HDGFL3: variants seen among roughly 807,000 people sequenced by gnomAD.
HDGFL3 encodes HDGF like 3, also known as hepatoma-derived growth factor-related protein 3.
In HDGFL3, 6 loss-of-function variants were observed where a neutral mutation model predicts 27.6. The ratio of observed to expected loss-of-function variants is 0.22; its 90% CI spans 0.12 to 0.43. HDGFL3 has a LOEUF of 0.43. HDGFL3 is among the 20% of genes least tolerant of loss of function. The pLI is 1.00. For synonymous variants in HDGFL3, 88 were observed against 88.9 expected (o/e 0.99, Z 0.05); for missense variants, 207 against 250.1 (o/e 0.83, Z 1.16).
intron 5 of HDGFL3, among the ~76,000 whole-genome samples, chr15:83,144,366 G>A (rs1039482432): frequency 6.6e-6 from 1 of 152,104 alleles, no homozygotes; most frequent in Non-Finnish European, 1.5e-5. Flanking sequence ...TGTAATCACC[G>A]CCCCTTTAGT....
rs901729108 is a variant in HDGFL3 at position 83,207,812 on chromosome 15, GA to G, written c.-399del. 1.3e-5 allele frequency: 2 copies of G among 150,762 alleles called. No homozygotes were observed. Among genetic ancestry groups the G allele is most frequent in the African/African-American group, 4.9e-5 (2 of 41,170 alleles). 9.3% of individuals were successfully genotyped at this position (150,762 alleles called of 1,614,324 possible). On this transcript the variant is annotated 5_prime_UTR_variant, in exon 1 of 6. Transcript: ENST00000299633. This position sits in a 1 kb window ranked among gnomAD's most constrained non-coding sequence, Gnocchi z 4.8. ...GAGCGCCGGGCCTCGCGTCTGCTCC[GA>G]ATTCCTTCTCGGGCAGCGACCGCAA...
At chr15:83,120,591 T>A (rs932609342) in intron 3 of HDGFL3, among the ~76,000 whole-genome samples, 15 of 149,786 alleles carry the variant, frequency 1.0e-4, no homozygotes, top group Non-Finnish European at 1.8e-4. Context: ...CTAATTCTTT[T>A]TTTTTTTTTT....
intron 1 of HDGFL3, among the ~76,000 whole-genome samples, chr15:83,186,227 A>G (rs921552255): frequency 6.6e-6 from 1 of 152,264 alleles, no homozygotes; most frequent in African/African-American, 2.4e-5. Context: ...ATTAAATTTT[A>G]GAGCAACTTG....
Position 83,151,238 on chromosome 15 carries a change from C to G in HDGFL3, c.583G>C (p.Asp195His). 6.2e-7 allele frequency: 1 copy of G among 1,612,848 alleles called. No individual in the cohort carries two copies. Among genetic ancestry groups the G allele is most frequent in the Non-Finnish European group, 8.5e-7 (1 of 1,179,792 alleles). ...ACCCCTTCACTGGTTTTCTGCAAGT[C>G]TGAAGTTGTGTTTCTTGTGTCGTTG... Reference protein sequence around the residue: ...AGNDTRNTTSDLQKTSEGT With the variant: ...AGNDTRNTTSHLQKTSEGT The change falls in exon 5 of 6, where the codon GAC (aspartate) becomes CAC (histidine). Residue 195 changes from aspartate (D) to histidine (H), a missense_variant. Coordinates refer to ENST00000299633, the MANE Select transcript of HDGFL3 (RefSeq NM_016073.4).
In HDGFL3 at chr15:83,127,825, T is replaced by C. The variant is rs1195988456; in HGVS notation, c.*11445A>G. ...TGGCTACTAAAAAAGGATTGAGAGC[T>C]GTCACCTTCAAAATGTCCATCCAAA... On this transcript the variant is annotated 3_prime_UTR_variant, in exon 6 of 6. Transcript: ENST00000299633. The C allele has an allele frequency of 3.8e-6, 1 of 266,238 alleles. No homozygotes were observed. The highest frequency in any genetic ancestry group is 7.2e-6 in the Non-Finnish European group (1 of 139,324). 16.5% of individuals were successfully genotyped at this position (266,238 alleles called of 1,614,324 possible).
chr15:83,193,291 T>C (rs1343055644), intron 1 of HDGFL3, among the ~76,000 whole-genome samples: 2 of 152,182 alleles, frequency 1.3e-5, no homozygotes, highest in African/African-American at 2.4e-5. Context: ...TAGACATTAT[T>C]CCAAAGAAGA....
intron 2 of HDGFL3, among the ~76,000 whole-genome samples, chr15:83,161,686 C>T (rs1002788197): frequency 1.4e-4 from 22 of 152,122 alleles, no homozygotes; most frequent in Non-Finnish European, 2.6e-4. Flanking sequence ...TAGCTACTGC[C>T]GGCAAGAGGG....
In HDGFL3 at chr15:83,151,291, T is replaced by C. The variant is rs763707408; in HGVS notation, c.530A>G (p.Lys177Arg). Reference protein sequence around the residue: ...DDKDCKEEENKSSSEGGDAGN... With the variant: ...DDKDCKEEENRSSSEGGDAGN... ...CGCATCTCCACCCTCAGAGCTGCTT[T>C]TGTTTTCCTCTTCTTTGCAGTCTTT... The change falls in exon 5 of 6, where the codon AAA (lysine) becomes AGA (arginine). Residue 177 changes from lysine to arginine, a missense_variant. Physicochemically the swap from Lys to Arg is conservative, Grantham distance 26 (BLOSUM62 2). Coordinates refer to ENST00000299633, the MANE Select transcript of HDGFL3 (RefSeq NM_016073.4). The C allele has an allele frequency of 1.2e-6, 2 of 1,613,520 alleles. No individual in the cohort carries two copies. The highest frequency in any genetic ancestry group is 2.2e-5 in the East Asian group (1 of 44,874).
At chr15:83,200,270 G>C (rs1371353543) in intron 1 of HDGFL3, among the ~76,000 whole-genome samples, 1 of 151,646 alleles carries the variant, frequency 6.6e-6, no homozygotes, top group East Asian at 1.9e-4. Context: ...GGGAGGCGGA[G>C]CTTGCAGTGA....
At chr15:83,116,687 A>C (rs1240436686) in intron 3 of HDGFL3, among the ~76,000 whole-genome samples, 1 of 152,194 alleles carries the variant, frequency 6.6e-6, no homozygotes, top group East Asian at 1.9e-4. Flanking sequence ...ACCAGTCAGG[A>C]GGCTTCCTCG....
At chr15:83,161,138 T>G (rs930346358) in intron 2 of HDGFL3, among the ~76,000 whole-genome samples, 1 of 152,220 alleles carries the variant, frequency 6.6e-6, no homozygotes, top group Non-Finnish European at 1.5e-5. Flanking sequence ...GACTCTATGC[T>G]TAAGAAATAA....
intron 2 of HDGFL3, among the ~76,000 whole-genome samples, chr15:83,160,150 C>A (rs1231364969): frequency 6.6e-6 from 1 of 151,288 alleles, no homozygotes; most frequent in Non-Finnish European, 1.5e-5. Flanking sequence ...CTGCATATGG[C>A]ATATGTGAGA....
chr15:83,166,855 C>T (rs749039842), intron 1 of HDGFL3, among the ~76,000 whole-genome samples: 2 of 152,194 alleles, frequency 1.3e-5, no homozygotes, highest in Non-Finnish European at 2.9e-5. Flanking sequence ...ATCACAAGAA[C>T]AGCAAAGAGG....
chr15:83,162,247 C>T (rs1255348334), intron 2 of HDGFL3, among the ~76,000 whole-genome samples: 3 of 152,070 alleles, frequency 2.0e-5, no homozygotes, highest in East Asian at 3.8e-4. Flanking sequence ...TTCATACTTG[C>T]CAGGGCAAGT....
At position 83,139,035 on chromosome 15, in the gene HDGFL3, C is replaced by A; in HGVS notation, c.*235G>T. 1 of 321,750 alleles carries A rather than the reference C, an allele frequency of 3.1e-6. No homozygotes were observed. The allele number at this position is 321,750 out of a possible 1,614,324, so 19.9% of individuals were successfully genotyped here. The stretch of plus-strand genomic sequence containing the variant: ...CTTGATAATCCTTAGTGGTTAAGGG[C>A]AACTTCATGCAACCAAATAACATGA... On this transcript the variant is annotated 3_prime_UTR_variant, in exon 6 of 6. Coordinates refer to ENST00000299633, the MANE Select transcript of HDGFL3 (RefSeq NM_016073.4).
exon 4 of HDGFL3, chr15:83,115,464 C>T: frequency 2.7e-6 from 1 of 373,062 alleles, no homozygotes. Context: ...CTTCCTTGGC[C>T]ACTCAGTTAC....
At chr15:83,191,763 T>G (rs1317931023) in intron 1 of HDGFL3, among the ~76,000 whole-genome samples, 1 of 152,128 alleles carries the variant, frequency 6.6e-6, no homozygotes, top group East Asian at 1.9e-4. Flanking sequence ...CTGCTTGTTA[T>G]CTTTGGATGT....
intron 2 of HDGFL3, among the ~76,000 whole-genome samples, chr15:83,162,394 C>T (rs1413154829): frequency 6.6e-6 from 1 of 152,014 alleles, no homozygotes; most frequent in African/African-American, 2.4e-5. Context: ...GCAAAAAAAT[C>T]ACATATAGAC....
intron 1 of HDGFL3, among the ~76,000 whole-genome samples, chr15:83,181,927 G>C (rs2037386439): frequency 6.6e-6 from 1 of 152,206 alleles, no homozygotes; most frequent in South Asian, 2.1e-4. Context: ...TTGCTTTTAG[G>C]GTTTATTTTT....
Sources: allele counts gnomAD v4.1 joint callset (sites outside exome capture counted in the v4.1 genomes callset), GRCh38; gene constraint gnomAD v4.1.1; non-coding constraint Gnocchi (gnomAD v3.1); transcripts MANE v1.5; gene names NCBI Gene and HGNC (gene_info 2026-07-23, HGNC 2026-07-21).